INPP5D: variants seen among roughly 807,000 people sequenced by gnomAD.
INPP5D encodes the protein inositol polyphosphate-5-phosphatase D.
Under a neutral mutation model 122.9 loss-of-function variants are expected in INPP5D, and 33 were observed. The observed-to-expected ratio is 0.27, with a 90% CI of 0.20 to 0.36. The LOEUF (loss-of-function observed/expected upper bound fraction) is 0.36. Among genes scored for constraint, INPP5D ranks in the 10% least tolerant of loss-of-function variants. INPP5D has a pLI of 1.00. For missense variants in INPP5D, 1,053 were observed against 1,412.7 expected, an observed-to-expected ratio of 0.75 and a Z score of 4.08; for synonymous variants, 584 against 576.2, an observed-to-expected ratio of 1.01 and a Z score of -0.19.
chr2:233,096,203 G>A (rs529282483), intron 2 of INPP5D, among the ~76,000 whole-genome samples: 4 of 152,244 alleles, frequency 2.6e-5, no homozygotes, highest in South Asian at 2.1e-4. Flanking sequence ...TGCTTTGCCC[G>A]GGGCTCTTCC....
rs1216609724 is a variant in INPP5D, at chr2:233,139,896, G to T, written c.720G>T (p.Gln240His). The change falls in exon 6 of 27, where the codon CAG becomes CAT. Residue 240 changes from glutamine (Q) to histidine (H), a missense_variant. This residue lies in a region of INPP5D where 196 missense variants were observed against 175.6 expected (regional missense o/e 1.12). Coordinates refer to ENST00000445964, the MANE Select transcript of INPP5D (RefSeq NM_001017915.3). The part of the protein sequence containing the change: ...SLESLQRLFD[Q>H]QLSPGLRPRP... ...AGTCTCTGCAGAGGTTATTTGACCA[G>T]CAGCTCTCCCCGGGCCTCCGTCCAC... The T allele has an allele frequency of 1.0e-5, 4 of 398,704 alleles. No individual in the cohort carries two copies. Among genetic ancestry groups the T allele is most frequent in the African/African-American group, 2.1e-5 (1 of 48,616 alleles). 24.7% of individuals were successfully genotyped at this position (398,704 alleles called of 1,614,324 possible).
At chr2:233,141,202 C>T (rs925435346) in intron 6 of INPP5D, 4 of 152,018 alleles carry the variant, frequency 2.6e-5, no homozygotes, top group Non-Finnish European at 4.4e-5. Context: ...CCCTCAAGCC[C>T]GCAGTTCCAT....
intron 11 of INPP5D, 52 bp downstream of exon 11, chr2:233,161,878 T>C (rs2106293518): frequency 9.6e-6 from 15 of 1,570,016 alleles, no homozygotes; most frequent in Admixed American, 1.9e-5. Context: ...TCTGCTTTCC[T>C]GACTCAGGCA....
chr2:233,134,280 C>G, intron 5 of INPP5D: 1 of 275,858 alleles, frequency 3.6e-6, no homozygotes, highest in Non-Finnish European at 7.3e-6. Flanking sequence ...GTGGGGGATG[C>G]ATTTGGGGAA....
At chr2:233,079,290 G>T (rs1463124898) in intron 1 of INPP5D, 45 bp from the exon 2 acceptor site, 2 of 1,194,682 alleles carry the variant, frequency 1.7e-6, no homozygotes, top group Non-Finnish European at 2.5e-6. Flanking sequence ...AGAGGAAACC[G>T]GGTCTTCCTG....
chr2:233,096,719 G>A (rs543860698), intron 2 of INPP5D, among the ~76,000 whole-genome samples: 2 of 152,054 alleles, frequency 1.3e-5, no homozygotes, highest in Non-Finnish European at 2.9e-5. Flanking sequence ...CCTGTCAATT[G>A]CCTATTTATA....
chr2:233,098,936 T>TTTTATTTATTTATTTATTTA (rs57540040), intron 2 of INPP5D, among the ~76,000 whole-genome samples: 8,352 of 145,984 alleles, frequency 0.057, 289 homozygotes, highest in Non-Finnish European at 0.06. Flanking sequence ...GGAACTTTAT[T>TTTTATTTATTTATTTATTTA]TTTATTTATT....
At chr2:233,069,411 A>G (rs1321715798) in intron 1 of INPP5D, among the ~76,000 whole-genome samples, 3 of 152,228 alleles carry the variant, frequency 2.0e-5, no homozygotes, top group African/African-American at 7.2e-5. Context: ...GCAGAAAAGT[A>G]ACCACCCCAT....
rs538634007 is a variant in INPP5D at position 233,067,902 on chromosome 2, T to C, written c.134+7290T>C. Among the ~76,000 whole-genome samples the C allele has an allele frequency of 3.3e-5, 5 of 152,314 alleles. No individual in the cohort carries two copies. The East Asian group carries it at 9.7e-4, about 29-fold the overall frequency. On this transcript the variant is annotated intron_variant, in intron 1 of 26. Coordinates refer to ENST00000445964, the MANE Select transcript of INPP5D (RefSeq NM_001017915.3). ...GTCTTTTCCTTGTTTCCTTGGGTTA[T>C]CAAGAGGACAAAATGGAAAGATGTG... is the stretch of plus-strand genomic sequence containing the variant.
intron 22 of INPP5D, among the ~76,000 whole-genome samples, chr2:233,192,828 G>A (rs1413156932): frequency 6.6e-6 from 1 of 152,200 alleles, no homozygotes. Flanking sequence ...CTTGGCGCTT[G>A]ACACCAAACT....
At chr2:233,124,663 A>C (rs936522910) in intron 3 of INPP5D, among the ~76,000 whole-genome samples, 1 of 152,172 alleles carries the variant, frequency 6.6e-6, no homozygotes, top group African/African-American at 2.4e-5. Context: ...TTCTGCAGAA[A>C]CGCCCTCCAC....
At chr2:233,161,165 C>T (rs28429042) in intron 10 of INPP5D, among the ~76,000 whole-genome samples, 51,708 of 151,810 alleles carry the variant, frequency 0.34, 11,294 homozygotes, top group Non-Finnish European at 0.49. Context: ...GATCCTGGCT[C>T]ACTGCAACCT....
At chr2:233,146,084 A>G in intron 6 of INPP5D, 78 bp from the exon 7 acceptor site, 1 of 704,038 alleles carries the variant, frequency 1.4e-6, no homozygotes, top group Admixed American at 2.0e-5. Context: ...GGTGAGGTGC[A>G]GAGAGAACCC....
chr2:233,095,841 C>T (rs970956321), intron 2 of INPP5D, among the ~76,000 whole-genome samples: 1 of 152,128 alleles, frequency 6.6e-6, no homozygotes, highest in African/African-American at 2.4e-5. Context: ...AAATCCCCCA[C>T]CCTAGTCCCA....
chr2:233,142,144 T>C (rs1472006869), intron 6 of INPP5D, among the ~76,000 whole-genome samples: 2 of 152,232 alleles, frequency 1.3e-5, no homozygotes, highest in Non-Finnish European at 2.9e-5. Flanking sequence ...CGGTGCTGCC[T>C]GGTGGAGGCC....
intron 2 of INPP5D, among the ~76,000 whole-genome samples, chr2:233,088,039 G>A (rs1691898299): frequency 1.3e-5 from 2 of 152,008 alleles, no homozygotes; most frequent in South Asian, 4.1e-4. Flanking sequence ...GCAATGGCAA[G>A]ATCTCGGCTC....
At chr2:233,079,871 T>A (rs1241059822) in intron 2 of INPP5D, among the ~76,000 whole-genome samples, 1 of 152,232 alleles carries the variant, frequency 6.6e-6, no homozygotes, top group African/African-American at 2.4e-5. Flanking sequence ...AGGCTGGTGC[T>A]CACTGCATCT....
At chr2:233,186,860 C>T (rs1005686405) in intron 21 of INPP5D, among the ~76,000 whole-genome samples, 4 of 150,878 alleles carry the variant, frequency 2.7e-5, no homozygotes, top group African/African-American at 9.7e-5. Flanking sequence ...GTAGCTTGGA[C>T]TACAGATGTG....
intron 9 of INPP5D, among the ~76,000 whole-genome samples, chr2:233,155,518 AG>A (rs1478914069): frequency 1.3e-5 from 2 of 152,080 alleles, no homozygotes; most frequent in African/African-American, 2.4e-5. Flanking sequence ...GCTACTCGGG[AG>A]GCTGAGGCAG....
Sources: allele counts gnomAD v4.1 joint callset (sites outside exome capture counted in the v4.1 genomes callset), GRCh38; gene constraint gnomAD v4.1.1; regional missense constraint gnomAD v4.1.1; transcripts MANE v1.5; gene names NCBI Gene and HGNC (gene_info 2026-07-23, HGNC 2026-07-21).